The following PARD3B variants were observed in gnomAD, a reference collection of about 807,000 sequenced individuals.
PARD3B encodes the protein par-3 family cell polarity regulator beta.
In PARD3B, 103 loss-of-function variants were observed where a neutral mutation model predicts 130.2. The observed-to-expected ratio is 0.79, with a 90% CI of 0.67 to 0.93. The LOEUF (loss-of-function observed/expected upper bound fraction) is 0.93. PARD3B is among the 40% of genes least tolerant of loss of function. PARD3B has a pLI of 0.00. For missense variants in PARD3B, 1,609 were observed against 1,499.2 expected (o/e 1.07, Z -1.21); for synonymous variants, 583 against 553.2 (o/e 1.05, Z -0.76).
chr2:204,783,387 G>A (rs1257142778), intron 2 of PARD3B, among the ~76,000 whole-genome samples: 1 of 152,034 alleles, frequency 6.6e-6, no homozygotes, highest in East Asian at 1.9e-4. Flanking sequence ...TTTAAAGTCG[G>A]TTCTTTTCTT....
intron 11 of PARD3B, among the ~76,000 whole-genome samples, chr2:205,171,035 G>A (rs2035147348): frequency 6.6e-6 from 1 of 152,272 alleles, no homozygotes; most frequent in African/African-American, 2.4e-5. Context: ...TTCCTTTTCT[G>A]TAAAATGTTT....
chr2:204,944,357 C>A (rs1041051132), intron 2 of PARD3B, among the ~76,000 whole-genome samples: 1 of 152,162 alleles, frequency 6.6e-6, no homozygotes, highest in South Asian at 2.1e-4. Flanking sequence ...TGGCTTCTGT[C>A]CCCCAGCTCC....
At chr2:204,900,479 C>A (rs1214685917) in intron 2 of PARD3B, among the ~76,000 whole-genome samples, 1 of 152,178 alleles carries the variant, frequency 6.6e-6, no homozygotes, top group South Asian at 2.1e-4. Context: ...TTATTTCAAT[C>A]TCTTTGTTAA....
At chr2:204,590,595 T>G (rs943401359) in intron 1 of PARD3B, among the ~76,000 whole-genome samples, 2 of 152,116 alleles carry the variant, frequency 1.3e-5, no homozygotes, top group Non-Finnish European at 2.9e-5. Flanking sequence ...TGGGAACATA[T>G]GAGAAGGACC....
intron 1 of PARD3B, among the ~76,000 whole-genome samples, chr2:204,680,590 G>T (rs2036781191): frequency 6.6e-6 from 1 of 150,450 alleles, no homozygotes; most frequent in Non-Finnish European, 1.5e-5. Context: ...TTCATTAGCT[G>T]TTTTTTTTCT....
intron 18 of PARD3B, among the ~76,000 whole-genome samples, chr2:205,380,330 A>T (rs865932744): frequency 4.9e-5 from 1 of 20,354 alleles, no homozygotes; most frequent in African/African-American, 1.8e-4. Context: ...ATTATATATA[A>T]TATATAAAGA....
At chr2:205,404,083 C>T (rs1030066653) in intron 19 of PARD3B, among the ~76,000 whole-genome samples, 5 of 152,228 alleles carry the variant, frequency 3.3e-5, no homozygotes, top group African/African-American at 1.2e-4. Flanking sequence ...ATACATAACT[C>T]TACCATAATC....
At chr2:204,580,607 T>C (rs1309923218) in intron 1 of PARD3B, among the ~76,000 whole-genome samples, 1 of 152,230 alleles carries the variant, frequency 6.6e-6, no homozygotes, top group African/African-American at 2.4e-5. Context: ...GAGCATTTTC[T>C]TAGGCTGGGT....
rs2054150055 is a variant in PARD3B, at chr2:205,585,129, G to A, written c.3261-30327G>A. Among the ~76,000 whole-genome samples, 1 of 152,192 alleles carries A rather than the reference G, an allele frequency of 6.6e-6. No individual in the cohort carries two copies. Among genetic ancestry groups the A allele is most frequent in the Non-Finnish European group, 1.5e-5 (1 of 68,036 alleles). The stretch of plus-strand genomic sequence containing the variant: ...GATCCTTCGTAACCCCACAGCCTTG[G>A]AATGATTGCTCACTCCTTTCTGGCT... On this transcript the variant is annotated intron_variant, in intron 22 of 22. Coordinates refer to ENST00000406610, the MANE Select transcript of PARD3B (RefSeq NM_001302769.2). This position sits in a 1 kb window ranked among gnomAD's most constrained non-coding sequence, Gnocchi z 5.4.
chr2:205,143,379 G>A (rs2033126923), intron 10 of PARD3B, among the ~76,000 whole-genome samples: 1 of 152,146 alleles, frequency 6.6e-6, no homozygotes, highest in African/African-American at 2.4e-5. Context: ...ACTGAACTGA[G>A]ATAGTACTTG....
intron 2 of PARD3B, among the ~76,000 whole-genome samples, chr2:204,845,931 G>A (rs1336496071): frequency 6.6e-6 from 1 of 152,024 alleles, no homozygotes; most frequent in African/African-American, 2.4e-5. Context: ...ATCTGTATAT[G>A]ATGAAACACC....
At position 205,263,567 on chromosome 2, in the gene PARD3B, G is replaced by A. The variant is rs757837051; in HGVS notation, c.2185+17745G>A. Among the ~76,000 whole-genome samples the A allele has an allele frequency of 6.6e-6, 1 of 151,010 alleles. No homozygotes were observed. Among genetic ancestry groups the A allele is most frequent in the Non-Finnish European group, 1.5e-5 (1 of 67,632 alleles). ...GTCTATACCTTACACCATATAAGAA[G>A]CTAATCTGACATGGTTCACAGATCT... On this transcript the variant is annotated intron_variant, in intron 16 of 22. Coordinates refer to ENST00000406610, the MANE Select transcript of PARD3B (RefSeq NM_001302769.2). The surrounding 1 kb of genome is among the most constrained non-coding windows in gnomAD (Gnocchi z 4.0).
rs188236483 is a variant in PARD3B, at chr2:204,963,303, T to C, written c.223-1849T>C. Reference sequence around the variant, plus strand: ...GCAAAGTATCTTAAGAAAAAATATTTATCTTACGAGTTATCACTTTTAAGC... The same window carrying C: ...GCAAAGTATCTTAAGAAAAAATATTCATCTTACGAGTTATCACTTTTAAGC... On this transcript the variant is annotated intron_variant, in intron 2 of 22. Transcript: ENST00000406610. Among the ~76,000 whole-genome samples, 42 of 152,268 alleles carry C rather than the reference T, an allele frequency of 2.8e-4. No individual in the cohort carries two copies. In the Middle Eastern group the frequency reaches 0.014, roughly 49 times the overall value.
Position 204,689,081 on chromosome 2 carries a change from C to G in PARD3B, c.222+2799C>G, listed in dbSNP as rs1053953739. The stretch of plus-strand genomic sequence containing the variant: ...GCCATTTAGTGTATGGTAACACCAT[C>G]CCATACACTTCAGTAAAGGTAGAAA... On this transcript the variant is annotated intron_variant, in intron 2 of 22. Transcript: ENST00000406610. The surrounding 1 kb of genome is among the most constrained non-coding windows in gnomAD (Gnocchi z 5.2). Among the ~76,000 whole-genome samples, 2 of 152,112 alleles carry G rather than the reference C, an allele frequency of 1.3e-5. No homozygotes were observed. Among genetic ancestry groups the G allele is most frequent in the African/African-American group, 4.8e-5 (2 of 41,438 alleles).
chr2:205,038,179 C>T (rs1238215442), intron 3 of PARD3B, among the ~76,000 whole-genome samples: 2 of 152,098 alleles, frequency 1.3e-5, no homozygotes, highest in African/African-American at 2.4e-5. Flanking sequence ...TTGAGGCAAA[C>T]CCTTGAGGTC....
intron 16 of PARD3B, among the ~76,000 whole-genome samples, chr2:205,266,578 C>CA (rs2040513000): frequency 6.6e-6 from 1 of 152,086 alleles, no homozygotes; most frequent in South Asian, 2.1e-4. Context: ...TGAAAGTACT[C>CA]AGTCAGTGGT....
intron 18 of PARD3B, among the ~76,000 whole-genome samples, chr2:205,355,524 A>T (rs1005417677): frequency 1.2e-4 from 14 of 113,452 alleles, no homozygotes; most frequent in African/African-American, 3.6e-4. Flanking sequence ...GGATCAATTA[A>T]ATGGCCTTTT....
rs750789081 is a variant in PARD3B, at chr2:205,176,442, T to A, written c.1792-3T>A. ...AAATGTAATTTTTACTTTTATCTCT[T>A]AGGATCCTGCAGAGTGTGGGGCATT... On this transcript the variant is annotated splice_polypyrimidine_tract_variant and splice_region_variant and intron_variant, in intron 12 of 22. Transcript: ENST00000406610. The surrounding 1 kb of genome is among the most constrained non-coding windows in gnomAD (Gnocchi z 5.3). 1.3e-6 allele frequency: 2 copies of A among 1,596,372 alleles called. No homozygotes were observed. The highest frequency in any genetic ancestry group is 4.5e-5 in the East Asian group (2 of 44,716).
chr2:204,921,848 A>C (rs914693982), intron 2 of PARD3B, among the ~76,000 whole-genome samples: 6 of 152,192 alleles, frequency 3.9e-5, no homozygotes, highest in Non-Finnish European at 8.8e-5. Flanking sequence ...GTGAGGGCCC[A>C]AAGTAGGAGG....
Sources: gnomAD v4.1 joint callset for allele counts (sites outside exome capture counted in the v4.1 genomes callset) on GRCh38, gnomAD v4.1.1 for gene constraint, Gnocchi (gnomAD v3.1) non-coding constraint, MANE v1.5 for transcripts, NCBI Gene and HGNC (gene_info 2026-07-23, HGNC 2026-07-21) for gene names.